FAM53A: variants seen among roughly 807,000 people sequenced by gnomAD.
FAM53A encodes protein FAM53A.
A neutral mutation model predicts 26.6 loss-of-function variants in FAM53A; 28 were observed. That is an observed-to-expected ratio of 1.05 (90% CI 0.78 to 1.45). The LOEUF is 1.45. Ranked by LOEUF, FAM53A falls within the 40% of genes most tolerant of loss-of-function variation. The pLI is 0.00. For missense variants in FAM53A, 650 were observed against 575.8 expected (o/e 1.13, Z -1.32); for synonymous variants, 290 against 253.1 (o/e 1.15, Z -1.38).
At chr4:1,615,332 C>CGGAAGACAGGA (rs1560100397), downstream of FAM53A, among the ~76,000 whole-genome samples, 16 of 141,210 alleles carry the variant, frequency 1.1e-4, no homozygotes, top group Non-Finnish European at 1.7e-4. Flanking sequence ...TGGGCGCACA[C>CGGAAGACAGGA]TGAAGACAGG....
chr4:1,652,614 C>T (rs533532119), intron 4 of FAM53A, among the ~76,000 whole-genome samples: 1 of 147,622 alleles, frequency 6.8e-6, no homozygotes, highest in African/African-American at 2.5e-5. Context: ...TCACTCACCA[C>T]ACACACACAC....
chr4:1,608,288 C>T, the FAM53A span, among the ~76,000 whole-genome samples: 2 of 152,100 alleles, frequency 1.3e-5, no homozygotes, highest in South Asian at 2.1e-4. Flanking sequence ...CCACCCCAGG[C>T]GGCCCCTCCT....
intron 1 of FAM53A, among the ~76,000 whole-genome samples, chr4:1,676,042 T>G (rs1715019334): frequency 1.3e-5 from 2 of 152,260 alleles, no homozygotes; most frequent in Admixed American, 1.3e-4. Flanking sequence ...GCAGGTTCGA[T>G]TTTTCTGTGT....
At chr4:1,602,389 C>T in the FAM53A span, among the ~76,000 whole-genome samples, 2 of 152,196 alleles carry the variant, frequency 1.3e-5, no homozygotes, top group African/African-American at 4.8e-5. Context: ...AAGGTGGCGA[C>T]AGGCTGGGGT....
At chr4:1,653,034 C>G (rs890393549) in intron 4 of FAM53A, among the ~76,000 whole-genome samples, 1 of 151,394 alleles carries the variant, frequency 6.6e-6, no homozygotes, top group Non-Finnish European at 1.5e-5. Context: ...ACTACACACA[C>G]ACAACACATA....
chr4:1,654,706 G>C (rs527461233), intron 4 of FAM53A, among the ~76,000 whole-genome samples: 1 of 152,328 alleles, frequency 6.6e-6, no homozygotes, highest in African/African-American at 2.4e-5. Flanking sequence ...GCCTCCCCCA[G>C]GCCTCACTGC....
intron 1 of FAM53A, among the ~76,000 whole-genome samples, chr4:1,623,895 G>C (rs557773579): frequency 6.6e-6 from 1 of 152,204 alleles, no homozygotes; most frequent in Non-Finnish European, 1.5e-5. Flanking sequence ...TGGCGGGCGG[G>C]GAGAAGTGGG....
At chr4:1,627,980 A>C (rs1208771991) in intron 1 of FAM53A, among the ~76,000 whole-genome samples, 1 of 139,992 alleles carries the variant, frequency 7.1e-6, no homozygotes, top group Non-Finnish European at 1.5e-5. Flanking sequence ...GATGAGGCTG[A>C]GAGGATTCCA....
intron 3 of FAM53A, 79 bp from the exon 4 acceptor site, chr4:1,655,802 C>T: frequency 7.0e-7 from 1 of 1,423,248 alleles, no homozygotes; most frequent in South Asian, 1.5e-5. Flanking sequence ...GGCAAACAGC[C>T]TGGCAGAGCT....
intron 2 of FAM53A, among the ~76,000 whole-genome samples, chr4:1,657,885 C>T (rs1038898125): frequency 2.6e-5 from 4 of 151,982 alleles, no homozygotes; most frequent in Non-Finnish European, 5.9e-5. Context: ...GTGATCCGCC[C>T]GCCTCAGCCT....
intron 1 of FAM53A, among the ~76,000 whole-genome samples, chr4:1,669,118 A>C (rs971017359): frequency 4.2e-4 from 63 of 151,802 alleles, no homozygotes; most frequent in Admixed American, 4.1e-3. Flanking sequence ...CATTAGACCC[A>C]CCCGCCCCGG....
chr4:1,610,963 C>T, the FAM53A span, among the ~76,000 whole-genome samples: 2 of 152,236 alleles, frequency 1.3e-5, no homozygotes, highest in Non-Finnish European at 2.9e-5. Flanking sequence ...AGCACCCACC[C>T]TGCTCCAGGG....
At chr4:1,599,639 C>A in the FAM53A span, among the ~76,000 whole-genome samples, 22 of 152,158 alleles carry the variant, frequency 1.4e-4, no homozygotes, top group African/African-American at 5.1e-4. This position sits in a 1 kb window ranked among gnomAD's most constrained non-coding sequence, Gnocchi z 6.1. Context: ...AGAGCCTAGG[C>A]GGGCCTTGGC....
exon 2 of FAM53A, chr4:1,618,042 T>C (rs1714871674): frequency 2.2e-6 from 1 of 456,128 alleles, no homozygotes; most frequent in South Asian, 1.5e-5. Context: ...TCAGATGCCG[T>C]GAAGATGGGA....
At chr4:1,614,762 T>C (rs1236731041), downstream of FAM53A, among the ~76,000 whole-genome samples, 1 of 152,088 alleles carries the variant, frequency 6.6e-6, no homozygotes, top group African/African-American at 2.4e-5. Flanking sequence ...TGTGTGGCCC[T>C]ATTCACAGAC....
At chr4:1,627,233 G>A (rs571055415) in intron 1 of FAM53A, among the ~76,000 whole-genome samples, 18 of 152,304 alleles carry the variant, frequency 1.2e-4, no homozygotes, top group Non-Finnish European at 1.9e-4. Context: ...CAGGAGAAGG[G>A]AACACGACCA....
intron 4 of FAM53A, among the ~76,000 whole-genome samples, chr4:1,653,629 CA>C (rs935398808): frequency 6.6e-6 from 1 of 152,198 alleles, no homozygotes; most frequent in Non-Finnish European, 1.5e-5. Flanking sequence ...CATCTCATAG[CA>C]AAAGATCAGA....
chr4:1,577,694 G>A, the FAM53A span, among the ~76,000 whole-genome samples: 2 of 152,218 alleles, frequency 1.3e-5, no homozygotes, highest in African/African-American at 4.8e-5. Flanking sequence ...TATTTCCAAT[G>A]TTATAATTAT....
the FAM53A span, among the ~76,000 whole-genome samples, chr4:1,599,784 C>T: frequency 6.6e-6 from 1 of 152,190 alleles, no homozygotes; most frequent in Non-Finnish European, 1.5e-5. This position sits in a 1 kb window ranked among gnomAD's most constrained non-coding sequence, Gnocchi z 6.1. Context: ...CGCATACTCA[C>T]CCCAGACACC....
Sources: gnomAD v4.1 joint callset for allele counts (sites outside exome capture counted in the v4.1 genomes callset) on GRCh38, gnomAD v4.1.1 for gene constraint, Gnocchi (gnomAD v3.1) non-coding constraint, MANE v1.5 for transcripts, NCBI Gene and HGNC (gene_info 2026-07-23, HGNC 2026-07-21) for gene names.